Variants in LEP observed in about 807,000 individuals in gnomAD.
LEP encodes the protein leptin (murine obesity homolog).
In LEP, 6 loss-of-function variants were observed where a neutral mutation model predicts 9.8. The observed-to-expected ratio is 0.61, with a 90% CI of 0.34 to 1.21. LEP has a LOEUF of 1.21. Ranked by LOEUF, LEP falls within the 50% of genes most tolerant of loss-of-function variation. The probability of loss-of-function intolerance (pLI) is 0.04; values close to 1 mark genes in which losing one functional copy is unlikely to be tolerated. For missense variants in LEP, 134 were observed against 198.1 expected (o/e 0.68, Z 1.94); for synonymous variants, 112 against 81.7 (o/e 1.37, Z -2.00).
rs200161125 is a variant in LEP, at chr7:128,257,513, G to T, written c.*2750G>T. 6.7e-6 allele frequency: 1 copy of T among 149,000 alleles called. No individual in the cohort carries two copies. The highest frequency in any genetic ancestry group is 1.5e-5 in the Non-Finnish European group (1 of 67,642). 9.2% of individuals were successfully genotyped at this position (149,000 alleles called of 1,614,324 possible). A position where few individuals can be genotyped will look rare whatever the true frequency, so the allele number is the denominator to read the frequency against. On this transcript the variant is annotated 3_prime_UTR_variant, in exon 3 of 3. Transcript: ENST00000308868. ...AAACCTGGGAGGCGGAGAGTACAGT[G>T]AGCCAAGATCGCGCCACTGCACTCC...
At chr7:128,254,377 C>G (rs1343856110) in intron 2 of LEP, 27 bp from the exon 3 acceptor site, 10 of 1,610,344 alleles carry the variant, frequency 6.2e-6, no homozygotes, top group Admixed American at 3.3e-5. Context: ...ATGCTGAGCA[C>G]TTGTTCTCCC....
chr7:128,244,685 A>T (rs1338120289), intron 1 of LEP, among the ~76,000 whole-genome samples: 1 of 152,238 alleles, frequency 6.6e-6, no homozygotes, highest in Non-Finnish European at 1.5e-5. Context: ...GAGGGCCACC[A>T]GGCCTCACGA....
intron 1 of LEP, among the ~76,000 whole-genome samples, chr7:128,246,618 T>C (rs1795213985): frequency 7.2e-6 from 1 of 139,606 alleles, no homozygotes; most frequent in South Asian, 2.3e-4. Context: ...CACACTCAGC[T>C]ATTTTTATTT....
chr7:128,250,763 A>G (rs923714620), intron 1 of LEP, among the ~76,000 whole-genome samples: 10 of 152,186 alleles, frequency 6.6e-5, no homozygotes, highest in African/African-American at 2.2e-4. Flanking sequence ...AGAACACGAA[A>G]AGCGGAGATT....
At chr7:128,253,379 C>T (rs1795297475) in intron 2 of LEP, among the ~76,000 whole-genome samples, 1 of 152,202 alleles carries the variant, frequency 6.6e-6, no homozygotes, top group South Asian at 2.1e-4. Flanking sequence ...CAGCCATTTT[C>T]CTGATGAGGT....
rs1042140094 is a variant in LEP, at chr7:128,250,524, C to T, written c.-28-1467C>T. Among the ~76,000 whole-genome samples the T allele has an allele frequency of 3.9e-5, 6 of 152,086 alleles. No homozygotes were observed. In the East Asian group the frequency reaches 7.7e-4, roughly 20 times the overall value. ...CCTGCTTTCTGGATCTGAATCCTGA[C>T]TCTGTCATGGACCTGTTTGACTTTG... On this transcript the variant is annotated intron_variant, in intron 1 of 2. Coordinates refer to ENST00000308868, the MANE Select transcript of LEP (RefSeq NM_000230.3).
intron 2 of LEP, 78 bp from the exon 3 acceptor site, chr7:128,254,326 C>T (rs1325015448): frequency 1.3e-6 from 2 of 1,586,172 alleles, no homozygotes; most frequent in Admixed American, 3.3e-5. Context: ...CCCTCCATGC[C>T]CACGGGGAAG....
At chr7:128,241,511 G>C (rs749175428) in intron 1 of LEP, among the ~76,000 whole-genome samples, 6 of 152,232 alleles carry the variant, frequency 3.9e-5, no homozygotes, top group African/African-American at 1.4e-4. Flanking sequence ...TTGCTGCTGG[G>C]CTGTGCCGGT....
At chr7:128,247,794 G>A (rs755955805) in intron 1 of LEP, among the ~76,000 whole-genome samples, 3 of 152,100 alleles carry the variant, frequency 2.0e-5, no homozygotes, top group Non-Finnish European at 4.4e-5. Context: ...ACATAACATC[G>A]ACAGGTGGCA....
In LEP at chr7:128,256,667, T is replaced by A. The variant is rs934897136; in HGVS notation, c.*1904T>A. 1 of 152,234 alleles carries A rather than the reference T, an allele frequency of 6.6e-6. No individual in the cohort carries two copies. Among genetic ancestry groups the A allele is most frequent in the African/African-American group, 2.4e-5 (1 of 41,454 alleles). 9.4% of individuals were successfully genotyped at this position (152,234 alleles called of 1,614,324 possible). ...TGTAACATGTTTACTTTTCAGGGCA[T>A]CTTAGCTTCTATTATAGCCACATCC... On this transcript the variant is annotated 3_prime_UTR_variant, in exon 3 of 3. Coordinates refer to ENST00000308868, the MANE Select transcript of LEP (RefSeq NM_000230.3).
rs200167789 is a variant in LEP at position 128,255,616 on chromosome 7, G to C, written c.*853G>C. The stretch of plus-strand genomic sequence containing the variant: ...TGCACCCAGGGGTGGGGAATGTTTG[G>C]GCAGAAGGGAGAAGGATCTAGAATG... On this transcript the variant is annotated 3_prime_UTR_variant, in exon 3 of 3. Coordinates refer to ENST00000308868, the MANE Select transcript of LEP (RefSeq NM_000230.3). The C allele has an allele frequency of 2.0e-5, 3 of 152,174 alleles. No individual in the cohort carries two copies. Among genetic ancestry groups the C allele is most frequent in the Non-Finnish European group, 2.9e-5 (2 of 68,040 alleles). 9.4% of individuals were successfully genotyped at this position (152,174 alleles called of 1,614,324 possible). A position where few individuals can be genotyped will look rare whatever the true frequency, so the allele number is the denominator to read the frequency against.
rs201702208 is a variant in LEP at position 128,255,007 on chromosome 7, G to A, written c.*244G>A. Reference sequence around the variant, plus strand: ...AGGGGGTCCACCCAGCAAAGAGTGGGCTGCATCTGGGATTCCCACCAAGGT... The same window carrying A: ...AGGGGGTCCACCCAGCAAAGAGTGGACTGCATCTGGGATTCCCACCAAGGT... On this transcript the variant is annotated 3_prime_UTR_variant, in exon 3 of 3. Coordinates refer to ENST00000308868, the MANE Select transcript of LEP (RefSeq NM_000230.3). 12 of 528,232 alleles carry A rather than the reference G, an allele frequency of 2.3e-5. No homozygotes were observed. Among genetic ancestry groups the A allele is most frequent in the Non-Finnish European group, 4.1e-5 (12 of 291,448 alleles). The allele number at this position is 528,232 out of a possible 1,614,324, so 32.7% of individuals were successfully genotyped here.
Position 128,254,554 on chromosome 7 carries a change from A to C in LEP, c.295A>C (p.Asn99His). The C allele has an allele frequency of 6.2e-7, 1 of 1,614,170 alleles. No homozygotes were observed. The highest frequency in any genetic ancestry group is 8.5e-7 in the Non-Finnish European group (1 of 1,180,002). Residue 99 changes from asparagine to histidine, a missense_variant, in exon 3 of 3, where the codon AAC (asparagine) becomes CAC (histidine). Physicochemically the swap from Asn to His is moderately conservative, Grantham distance 68. Coordinates refer to ENST00000308868, the MANE Select transcript of LEP (RefSeq NM_000230.3). ...TTCCAGAAACGTGATCCAAATATCCAACGACCTGGAGAACCTCCGGGATCT... is the reference window on the plus strand; with the variant it reads ...TTCCAGAAACGTGATCCAAATATCCCACGACCTGGAGAACCTCCGGGATCT... ...MPSRNVIQIS[N>H]DLENLRDLLH...
chr7:128,252,123 C>A lies in LEP; in HGVS notation c.105C>A (p.Ile35=). The A allele has an allele frequency of 6.2e-7, 1 of 1,614,200 alleles. No individual in the cohort carries two copies. Among genetic ancestry groups the A allele is most frequent in the Non-Finnish European group, 8.5e-7 (1 of 1,180,020 alleles). ...TCCAAGATGACACCAAAACCCTCAT[C>A]AAGACAATTGTCACCAGGATCAATG... ...QKVQDDTKTL[I]KTIVTRINDI... The change falls in exon 2 of 3, where the codon ATC becomes ATA. Residue 35 remains isoleucine, a synonymous_variant. Transcript: ENST00000308868.
At chr7:128,245,637 GC>G (rs1306071884) in intron 1 of LEP, among the ~76,000 whole-genome samples, 3 of 152,170 alleles carry the variant, frequency 2.0e-5, no homozygotes, top group Non-Finnish European at 2.9e-5. Flanking sequence ...ATAATTAATA[GC>G]AAATACCATG....
intron 1 of LEP, among the ~76,000 whole-genome samples, chr7:128,248,544 G>A (rs981576083): frequency 6.6e-6 from 1 of 152,150 alleles, no homozygotes; most frequent in Non-Finnish European, 1.5e-5. Context: ...AGATTACAGT[G>A]AGCTGAGATC....
At chr7:128,243,058 A>T (rs1344998358) in intron 1 of LEP, among the ~76,000 whole-genome samples, 2 of 152,258 alleles carry the variant, frequency 1.3e-5, no homozygotes, top group Non-Finnish European at 2.9e-5. Context: ...CATTCTGGCC[A>T]GTCGGCAGAG....
intron 1 of LEP, among the ~76,000 whole-genome samples, chr7:128,247,803 C>T (rs1024406120): frequency 6.6e-5 from 10 of 152,316 alleles, no homozygotes; most frequent in Non-Finnish European, 1.2e-4. Flanking sequence ...CGACAGGTGG[C>T]ATTATGATTC....
intron 2 of LEP, 140 bp from the exon 3 acceptor site, chr7:128,254,264 G>A (rs1010816687): frequency 1.9e-6 from 2 of 1,072,566 alleles, no homozygotes; most frequent in Admixed American, 1.7e-5. Flanking sequence ...AGGATACAAG[G>A]GCCTGAGCCA....
Sources: gnomAD v4.1 joint callset for allele counts (sites outside exome capture counted in the v4.1 genomes callset) on GRCh38, gnomAD v4.1.1 for gene constraint, MANE v1.5 for transcripts, NCBI Gene and HGNC (gene_info 2026-07-23, HGNC 2026-07-21) for gene names.